FHIT: variants seen among roughly 807,000 people sequenced by gnomAD.
FHIT encodes the protein bis(5'-adenosyl)-triphosphatase.
FHIT carries 19 observed loss-of-function variants against 17.9 expected under a neutral mutation model. The ratio of observed to expected loss-of-function variants is 1.06; its 90% CI spans 0.74 to 1.56. The LOEUF (loss-of-function observed/expected upper bound fraction) is 1.56, where lower values mean the gene tolerates loss of function less well. FHIT is among the 40% of genes most tolerant of loss of function. FHIT has a pLI of 0.00. For missense variants in FHIT, 248 were observed against 189.2 expected, an observed-to-expected ratio of 1.31 and a Z score of -1.82; for synonymous variants, 81 against 69.7, an observed-to-expected ratio of 1.16 and a Z score of -0.81.
intron 4 of FHIT, among the ~76,000 whole-genome samples, chr3:60,580,759 C>T (rs10451993): frequency 0.58 from 87,864 of 151,882 alleles, 25,685 homozygotes; most frequent in Admixed American, 0.66. Context: ...ACAGGTTTCA[C>T]CTCTCATGAC....
chr3:60,850,622 T>G (rs1553748015), intron 3 of FHIT, among the ~76,000 whole-genome samples: 2 of 152,102 alleles, frequency 1.3e-5, no homozygotes, highest in Admixed American at 6.5e-5. Flanking sequence ...TGCTCACCAC[T>G]TGTTTATCCA....
intron 5 of FHIT, among the ~76,000 whole-genome samples, chr3:60,521,740 A>T (rs926340389): frequency 1.4e-4 from 22 of 152,184 alleles, no homozygotes; most frequent in African/African-American, 5.3e-4. Flanking sequence ...GTTTCCCCAT[A>T]TGGGACTAAA....
chr3:59,943,427 TA>T (rs1165831980), intron 7 of FHIT, among the ~76,000 whole-genome samples: 2 of 152,146 alleles, frequency 1.3e-5, no homozygotes, highest in Non-Finnish European at 2.9e-5. Flanking sequence ...AGAACATGAA[TA>T]CCTGCTTTAC....
At chr3:60,067,996 G>A (rs1249274189) in intron 5 of FHIT, among the ~76,000 whole-genome samples, 1 of 152,186 alleles carries the variant, frequency 6.6e-6, no homozygotes, top group Non-Finnish European at 1.5e-5. Flanking sequence ...AGCACTTTGG[G>A]AGGCCAAGGT....
intron 4 of FHIT, among the ~76,000 whole-genome samples, chr3:60,605,161 A>C (rs782033785): frequency 2.0e-5 from 3 of 152,164 alleles, no homozygotes; most frequent in Non-Finnish European, 4.4e-5. Context: ...ACTAATGTCC[A>C]TGAACTGAAA....
chr3:60,912,872 A>G (rs936639357), intron 3 of FHIT: 2 of 462,560 alleles, frequency 4.3e-6, no homozygotes, highest in East Asian at 6.2e-5. Context: ...TGAGTCACTC[A>G]TCACTGGGTA....
chr3:60,628,281 T>G (rs1477846333), intron 4 of FHIT, among the ~76,000 whole-genome samples: 1 of 152,224 alleles, frequency 6.6e-6, no homozygotes, highest in Admixed American at 6.5e-5. Context: ...GATTTCTAAT[T>G]TCACCTTATT....
At chr3:60,385,283 C>T (rs1236055732) in intron 5 of FHIT, among the ~76,000 whole-genome samples, 1 of 152,162 alleles carries the variant, frequency 6.6e-6, no homozygotes, top group Non-Finnish European at 1.5e-5. Context: ...GTGGATTAAG[C>T]TCTCAAGTAC....
At chr3:60,623,481 CA>C (rs1488102880) in intron 4 of FHIT, among the ~76,000 whole-genome samples, 1 of 152,156 alleles carries the variant, frequency 6.6e-6, no homozygotes, top group Non-Finnish European at 1.5e-5. Context: ...AGCTGTAAAA[CA>C]TGTTCATTTT....
At chr3:59,929,583 C>G (rs1035045431) in intron 7 of FHIT, among the ~76,000 whole-genome samples, 1 of 151,874 alleles carries the variant, frequency 6.6e-6, no homozygotes, top group Non-Finnish European at 1.5e-5. Flanking sequence ...CCATGTTGGC[C>G]AGGCTGGTCT....
At chr3:60,561,101 A>AT (rs1194734149) in intron 4 of FHIT, among the ~76,000 whole-genome samples, 1 of 151,950 alleles carries the variant, frequency 6.6e-6, no homozygotes, top group African/African-American at 2.4e-5. Context: ...AGTATTTAAG[A>AT]TTTTTTTAAT....
At chr3:60,920,911 G>C (rs531744895) in intron 3 of FHIT, among the ~76,000 whole-genome samples, 11 of 152,224 alleles carry the variant, frequency 7.2e-5, no homozygotes, top group African/African-American at 2.6e-4. Flanking sequence ...GAAAAATAAT[G>C]TTTCAAATTT....
intron 5 of FHIT, among the ~76,000 whole-genome samples, chr3:60,501,939 T>C (rs1310659942): frequency 6.6e-6 from 1 of 152,220 alleles, no homozygotes; most frequent in Non-Finnish European, 1.5e-5. Flanking sequence ...CAGGCGGTTC[T>C]TTGATAAGCA....
intron 2 of FHIT, among the ~76,000 whole-genome samples, chr3:61,047,172 GA>G (rs1264503921): frequency 1.3e-5 from 2 of 152,180 alleles, no homozygotes; most frequent in East Asian, 1.9e-4. Context: ...ATTCAATTAG[GA>G]AAAGAGTAAG....
chr3:60,554,694 A>T (rs1031288796), intron 4 of FHIT, among the ~76,000 whole-genome samples: 1 of 152,230 alleles, frequency 6.6e-6, no homozygotes, highest in African/African-American at 2.4e-5. Context: ...ATAAATACCA[A>T]AAGAAATACC....
At chr3:61,226,403 T>C (rs1303354923) in intron 1 of FHIT, among the ~76,000 whole-genome samples, 5 of 152,104 alleles carry the variant, frequency 3.3e-5, no homozygotes, top group Admixed American at 3.3e-4. Context: ...TATGGTTACT[T>C]TCAATTACCC....
intron 5 of FHIT, among the ~76,000 whole-genome samples, chr3:60,067,622 T>A (rs1428604340): frequency 6.6e-6 from 1 of 152,226 alleles, no homozygotes; most frequent in African/African-American, 2.4e-5. Flanking sequence ...GTTTGGTGGA[T>A]ATTGATCTGG....
At chr3:60,549,938 T>C (rs1039365422) in intron 4 of FHIT, among the ~76,000 whole-genome samples, 8 of 152,220 alleles carry the variant, frequency 5.3e-5, no homozygotes, top group African/African-American at 1.9e-4. Flanking sequence ...GGCAAAAATC[T>C]AGACCAATCC....
chr3:61,169,494 T>C (rs1352761934), intron 2 of FHIT, among the ~76,000 whole-genome samples: 5 of 152,348 alleles, frequency 3.3e-5, no homozygotes, highest in African/African-American at 1.2e-4. Context: ...AAAAGATTAG[T>C]AAGAATTCAG....
Sources: gnomAD v4.1 joint callset for allele counts (sites outside exome capture counted in the v4.1 genomes callset) on GRCh38, gnomAD v4.1.1 for gene constraint, MANE v1.5 for transcripts, NCBI Gene and HGNC (gene_info 2026-07-23, HGNC 2026-07-21) for gene names.